KDM4C: variants seen among roughly 807,000 people sequenced by gnomAD.
KDM4C encodes lysine-specific demethylase 4C.
A neutral mutation model predicts 129.3 loss-of-function variants in KDM4C; 81 were observed. The ratio of observed to expected loss-of-function variants is 0.63; its 90% confidence interval spans 0.52 to 0.75. The LOEUF (loss-of-function observed/expected upper bound fraction) is 0.75. Ranked by LOEUF, KDM4C falls within the 30% of genes least tolerant of loss-of-function variation. The probability of loss-of-function intolerance (pLI) is 0.00; values close to 1 mark genes in which losing one functional copy is unlikely to be tolerated. For missense variants in KDM4C, 1,457 were observed against 1,304.0 expected, an observed-to-expected ratio of 1.12 and a Z score of -1.81; for synonymous variants, 573 against 456.1, an observed-to-expected ratio of 1.26 and a Z score of -3.26.
chr9:6,721,736 C>T (rs1816962291), intron 1 of KDM4C, among the ~76,000 whole-genome samples: 1 of 151,910 alleles, frequency 6.6e-6, no homozygotes, highest in Admixed American at 6.6e-5. Flanking sequence ...TTACAGGTGC[C>T]TGCCGCCACG....
chr9:7,046,439 A>G lies in KDM4C; in HGVS notation c.2260-423A>G, dbSNP rs188282463. Among the ~76,000 whole-genome samples the G allele has an allele frequency of 3.3e-5, 5 of 152,140 alleles. No individual in the cohort carries two copies. In the East Asian group the frequency reaches 7.7e-4, roughly 24 times the overall value. On this transcript the variant is annotated intron_variant, in intron 15 of 21. Coordinates refer to ENST00000381309, the MANE Select transcript of KDM4C (RefSeq NM_015061.6). ...GTAGAAAAAAGCCTGCCCAGACTCC[A>G]TTCATTAGCCACCCTGTATCCAGGA...
intron 4 of KDM4C, among the ~76,000 whole-genome samples, chr9:6,818,780 G>T (rs1466188865): frequency 1.3e-5 from 2 of 152,160 alleles, no homozygotes; most frequent in Non-Finnish European, 2.9e-5. Flanking sequence ...CTTTTCCAAA[G>T]TTGGGAGGCT....
chr9:6,800,597 T>G (rs144780228), intron 2 of KDM4C, among the ~76,000 whole-genome samples: 1 of 148,720 alleles, frequency 6.7e-6, no homozygotes, highest in African/African-American at 2.5e-5. Context: ...TGAATGTATA[T>G]CTATCTATTT....
intron 8 of KDM4C, among the ~76,000 whole-genome samples, chr9:6,899,542 G>GTGTGTGTGTGTGTGT (rs1554633823): frequency 2.1e-4 from 31 of 150,160 alleles, no homozygotes; most frequent in African/African-American, 5.4e-4. Context: ...TTTCCATGGG[G>GTGTGTGTGTGTGTGT]GTGTGTGTGT....
intron 6 of KDM4C, among the ~76,000 whole-genome samples, chr9:6,886,107 T>C (rs1250149217): frequency 6.6e-6 from 1 of 152,232 alleles, no homozygotes; most frequent in Admixed American, 6.5e-5. Flanking sequence ...ATTTGGGGAC[T>C]GCCCCTTGGT....
chr9:6,958,643 G>A (rs1466982221), intron 8 of KDM4C, among the ~76,000 whole-genome samples: 1 of 148,876 alleles, frequency 6.7e-6, no homozygotes, highest in Non-Finnish European at 1.5e-5. Context: ...CCCCCTAGTA[G>A]TTTGGCTATA....
At chr9:6,818,416 A>T (rs896948770) in intron 4 of KDM4C, among the ~76,000 whole-genome samples, 1 of 152,222 alleles carries the variant, frequency 6.6e-6, no homozygotes, top group Non-Finnish European at 1.5e-5. Flanking sequence ...AAGTCATTAG[A>T]TGTTGCCCAT....
chr9:6,821,385 GT>G (rs746533519), intron 4 of KDM4C, among the ~76,000 whole-genome samples: 6 of 152,106 alleles, frequency 3.9e-5, no homozygotes, highest in Non-Finnish European at 7.4e-5. Flanking sequence ...AGCATCTGTT[GT>G]TTCCTGACTT....
intron 1 of KDM4C, among the ~76,000 whole-genome samples, chr9:6,765,598 G>A (rs1173939816): frequency 1.3e-5 from 2 of 152,090 alleles, no homozygotes; most frequent in East Asian, 3.8e-4. Flanking sequence ...TAGCACTATA[G>A]TATAGGTGCT....
intron 3 of KDM4C, among the ~76,000 whole-genome samples, chr9:6,806,008 T>A (rs987336291): frequency 6.6e-6 from 1 of 152,262 alleles, no homozygotes. Context: ...GTGGAACTTC[T>A]TATCCTATAG....
intron 19 of KDM4C, among the ~76,000 whole-genome samples, chr9:7,147,974 C>G (rs1842368433): frequency 6.6e-6 from 1 of 152,202 alleles, no homozygotes; most frequent in Non-Finnish European, 1.5e-5. Flanking sequence ...GGCCCGGATC[C>G]CGTGCCTGCC....
intron 19 of KDM4C, among the ~76,000 whole-genome samples, chr9:7,145,453 C>T (rs1385982074): frequency 2.0e-5 from 3 of 152,160 alleles, no homozygotes; most frequent in African/African-American, 7.2e-5. Flanking sequence ...TCCCCTCTCA[C>T]CTCATCCCTT....
chr9:6,743,455 A>G (rs946553136), intron 1 of KDM4C, among the ~76,000 whole-genome samples: 6 of 152,040 alleles, frequency 3.9e-5, no homozygotes, highest in Admixed American at 6.6e-5. Flanking sequence ...GTTGTTGTTA[A>G]CTGTTATTAA....
rs1833365195 is a variant in KDM4C at position 6,978,787 on chromosome 9, TC to T, written c.922-2136del. 2.0e-5 allele frequency: 3 copies of T among 152,236 alleles called. No homozygotes were observed. The South Asian group carries it at 6.2e-4, about 32-fold the overall frequency. The allele number at this position is 152,236 out of a possible 1,614,324, so 9.4% of individuals were successfully genotyped here. A position where few individuals can be genotyped will look rare whatever the true frequency, so the allele number is the denominator to read the frequency against. On this transcript the variant is annotated intron_variant, in intron 8 of 21. Transcript: ENST00000381309. ...GCTTCTGCTGACATGGTTGATTGGA[TC>T]CACGAGTCACATACTTCATCTGTTT...
chr9:7,061,427 G>A (rs1236171192), intron 17 of KDM4C, among the ~76,000 whole-genome samples: 1 of 152,200 alleles, frequency 6.6e-6, no homozygotes, highest in East Asian at 1.9e-4. Context: ...GTCCTTGGAT[G>A]TCTGATAATC....
At chr9:6,759,198 A>C (rs1481958403) in intron 1 of KDM4C, among the ~76,000 whole-genome samples, 1 of 152,144 alleles carries the variant, frequency 6.6e-6, no homozygotes, top group African/African-American at 2.4e-5. Context: ...ATCCTGGTGA[A>C]AGTTACTAGT....
At chr9:6,893,268 T>C (rs1164427698) in intron 8 of KDM4C, 36 bp downstream of exon 8, 2 of 1,568,878 alleles carry the variant, frequency 1.3e-6, no homozygotes, top group Non-Finnish European at 1.7e-6. Flanking sequence ...AAAAATTAAA[T>C]GTGTATTCTG....
At chr9:7,073,372 G>A (rs1383462227) in intron 17 of KDM4C, among the ~76,000 whole-genome samples, 1 of 152,206 alleles carries the variant, frequency 6.6e-6, no homozygotes, top group Non-Finnish European at 1.5e-5. Flanking sequence ...ATTTACTCAT[G>A]AAGTAATTAT....
chr9:7,101,381 C>G (rs1384921848), intron 17 of KDM4C, among the ~76,000 whole-genome samples: 4 of 152,156 alleles, frequency 2.6e-5, no homozygotes, highest in African/African-American at 9.7e-5. Context: ...AAATGGGGGT[C>G]TGAAATACTG....
Sources: allele counts gnomAD v4.1 joint callset (sites outside exome capture counted in the v4.1 genomes callset), GRCh38; gene constraint gnomAD v4.1.1; transcripts MANE v1.5; gene names NCBI Gene and HGNC (gene_info 2026-07-23, HGNC 2026-07-21).